DYNC1I1: variants seen among roughly 807,000 people sequenced by gnomAD.
DYNC1I1 encodes cytoplasmic dynein 1 intermediate chain 1.
In DYNC1I1, 43 loss-of-function variants were observed where a neutral mutation model predicts 86.6. The ratio of observed to expected loss-of-function variants is 0.50; its 90% CI spans 0.39 to 0.64. DYNC1I1 has a LOEUF of 0.64. Among genes scored for constraint, DYNC1I1 ranks in the 30% least tolerant of loss-of-function variants. The pLI is 0.00. For synonymous variants in DYNC1I1, 262 were observed against 283.7 expected, an observed-to-expected ratio of 0.92 and a Z score of 0.77; for missense variants, 604 against 788.8, an observed-to-expected ratio of 0.77 and a Z score of 2.81.
chr7:95,954,789 G>A lies in DYNC1I1; in HGVS notation c.491-22723G>A, dbSNP rs543874658. 3.7e-3 allele frequency among the ~76,000 whole-genome samples: 563 copies of A among 151,686 alleles called. 6 individuals carry two copies. The highest frequency in any genetic ancestry group is 6.8e-3 in the Non-Finnish European group (461 of 67,912). On this transcript the variant is annotated intron_variant, in intron 6 of 16. Transcript: ENST00000447467. The stretch of plus-strand genomic sequence containing the variant: ...TAATTAGCCAGGCGTGGTGGCGGGC[G>A]CCTGTAGTCCCAGCTACTCAGGAGG...
intron 6 of DYNC1I1, among the ~76,000 whole-genome samples, chr7:95,974,095 GGTGGACCTTT>G (rs1454518371): frequency 6.6e-6 from 1 of 152,148 alleles, no homozygotes; most frequent in East Asian, 1.9e-4. Flanking sequence ...TTGTGGCCTT[GGTGGACCTTT>G]TCACTCTGTT....
At chr7:95,828,011 T>G (rs1358749959) in intron 4 of DYNC1I1, 46 bp from the exon 5 acceptor site, 20 of 1,608,492 alleles carry the variant, frequency 1.2e-5, no homozygotes, top group Non-Finnish European at 1.6e-5. Context: ...TGCCCTCCCC[T>G]TTTGTTAATT....
At position 96,039,319 on chromosome 7, in the gene DYNC1I1, A is replaced by G; in HGVS notation, c.1407A>G (p.Pro469=). The G allele has an allele frequency of 1.9e-6, 3 of 1,614,154 alleles. No homozygotes were observed. The highest frequency in any genetic ancestry group is 2.5e-6 in the Non-Finnish European group (3 of 1,179,984). ...IGEVFEGHQG[P]VTGINCHMAV... is the part of the protein sequence containing the mutation. ...AGGTCTTTGAAGGTCACCAAGGGCC[A>G]GTGACAGGAATTAACTGCCACATGG... is the stretch of plus-strand genomic sequence containing the variant. The change falls in exon 14 of 17, where the codon CCA becomes CCG. Residue 469 remains proline (P), a synonymous_variant. Transcript: ENST00000447467.
intron 6 of DYNC1I1, among the ~76,000 whole-genome samples, chr7:95,956,007 T>TAAA (rs1293579194): frequency 1.3e-5 from 2 of 152,228 alleles, no homozygotes; most frequent in Non-Finnish European, 2.9e-5. Context: ...CTTTAGCTTA[T>TAAA]AAAAGTAGCT....
chr7:95,915,705 G>C (rs1017673924), intron 6 of DYNC1I1, among the ~76,000 whole-genome samples: 1 of 152,068 alleles, frequency 6.6e-6, no homozygotes, highest in Non-Finnish European at 1.5e-5. Flanking sequence ...GCAATTCCTC[G>C]TTGTCAATGA....
At chr7:95,773,158 C>T (rs1415302503) in intron 1 of DYNC1I1, among the ~76,000 whole-genome samples, 1 of 152,196 alleles carries the variant, frequency 6.6e-6, no homozygotes, top group Non-Finnish European at 1.5e-5. Flanking sequence ...GGCTGACTGC[C>T]CCTGGAGGAG....
At chr7:95,986,785 T>C (rs1584227782) in intron 8 of DYNC1I1, among the ~76,000 whole-genome samples, 1 of 151,826 alleles carries the variant, frequency 6.6e-6, no homozygotes, top group Non-Finnish European at 1.5e-5. Flanking sequence ...TGGAGAAAGC[T>C]TGGGACTGGT....
At chr7:96,049,257 CAA>C (rs200677000) in intron 14 of DYNC1I1, among the ~76,000 whole-genome samples, 21,887 of 74,720 alleles carry the variant, frequency 0.29, 1,232 homozygotes, top group East Asian at 0.39. Flanking sequence ...GACTCCATCT[CAA>C]AAAAAAAAAA....
At chr7:95,900,752 A>C (rs1489860413) in intron 6 of DYNC1I1, among the ~76,000 whole-genome samples, 2 of 152,160 alleles carry the variant, frequency 1.3e-5, no homozygotes, top group Non-Finnish European at 2.9e-5. Flanking sequence ...TCTCTTTCTC[A>C]AAAAAATCCT....
intron 6 of DYNC1I1, among the ~76,000 whole-genome samples, chr7:95,882,097 AC>A (rs1354618586): frequency 1.3e-5 from 2 of 152,034 alleles, no homozygotes. Flanking sequence ...TATTTCCAAA[AC>A]CATCTTCTTT....
chr7:95,854,364 G>T (rs2633940), intron 5 of DYNC1I1, among the ~76,000 whole-genome samples: 108,871 of 151,896 alleles, frequency 0.72, 40,733 homozygotes, highest in Non-Finnish European at 0.84. Context: ...GGTATAGATA[G>T]TTTATATTAT....
chr7:95,998,041 C>A (rs1054645926), intron 10 of DYNC1I1, among the ~76,000 whole-genome samples: 9 of 152,188 alleles, frequency 5.9e-5, no homozygotes, highest in African/African-American at 2.2e-4. Flanking sequence ...AATTTGGTTA[C>A]CTTTGTACTA....
intron 6 of DYNC1I1, among the ~76,000 whole-genome samples, chr7:95,916,174 G>T (rs568047052): frequency 9.1e-4 from 138 of 152,288 alleles, no homozygotes; most frequent in African/African-American, 3.0e-3. Flanking sequence ...GCCACAGATG[G>T]AAATATTTCT....
chr7:95,793,631 A>C (rs1262972626), intron 1 of DYNC1I1, among the ~76,000 whole-genome samples: 1 of 152,206 alleles, frequency 6.6e-6, no homozygotes, highest in African/African-American at 2.4e-5. Flanking sequence ...GGTTGCACAC[A>C]GAGTCTAAAT....
chr7:96,087,956 T>C (rs1790731652), intron 16 of DYNC1I1, among the ~76,000 whole-genome samples: 1 of 152,222 alleles, frequency 6.6e-6, no homozygotes, highest in Non-Finnish European at 1.5e-5. Context: ...TCTATGATTG[T>C]AATTTTGGTA....
chr7:95,922,078 A>C (rs1360471991), intron 6 of DYNC1I1, among the ~76,000 whole-genome samples: 2 of 152,220 alleles, frequency 1.3e-5, no homozygotes, highest in Non-Finnish European at 2.9e-5. Context: ...TCATAGTAGC[A>C]ATTAAAAAAT....
rs756739833 is a variant in DYNC1I1, at chr7:95,774,759, G to C, written c.-10+1986G>C. ...AGTGCTGAGTCAAGGATCCAGCCTG[G>C]GTGCTGCTCTGTCCATAAAAACAGC... On this transcript the variant is annotated intron_variant, in intron 1 of 16. Coordinates refer to ENST00000447467, the MANE Select transcript of DYNC1I1 (RefSeq NM_001135556.2). Among the ~76,000 whole-genome samples, 15 of 152,194 alleles carry C rather than the reference G, an allele frequency of 9.9e-5. No homozygotes were observed. The South Asian group carries it at 1.9e-3, about 19-fold the overall frequency.
intron 5 of DYNC1I1, among the ~76,000 whole-genome samples, chr7:95,853,302 G>A (rs1397152645): frequency 2.0e-5 from 3 of 152,136 alleles, no homozygotes; most frequent in Non-Finnish European, 4.4e-5. Flanking sequence ...ATGGGAATGG[G>A]TTTGTTATTA....
At chr7:95,975,266 C>A (rs535580651) in intron 6 of DYNC1I1, among the ~76,000 whole-genome samples, 1 of 152,082 alleles carries the variant, frequency 6.6e-6, no homozygotes, top group African/African-American at 2.4e-5. Flanking sequence ...AACAAAATAC[C>A]ACAAACTGGC....
Sources: allele counts gnomAD v4.1 joint callset (sites outside exome capture counted in the v4.1 genomes callset), GRCh38; gene constraint gnomAD v4.1.1; transcripts MANE v1.5; gene names NCBI Gene and HGNC (gene_info 2026-07-23, HGNC 2026-07-21).